CDH13: variants seen among roughly 807,000 people sequenced by gnomAD.
The protein encoded by CDH13 is cadherin 13, also known as cadherin-13.
In CDH13, 24 loss-of-function variants were observed where a neutral mutation model predicts 63.8. The ratio of observed to expected loss-of-function variants is 0.38; its 90% confidence interval spans 0.27 to 0.53. The LOEUF is 0.53. Among genes scored for constraint, CDH13 ranks in the 20% least tolerant of loss-of-function variants. The probability of loss-of-function intolerance (pLI) is 0.85; values close to 1 mark genes in which losing one functional copy is unlikely to be tolerated. For missense variants in CDH13, 1,049 were observed against 903.1 expected, an observed-to-expected ratio of 1.16 and a Z score of -2.07; for synonymous variants, 503 against 355.3, an observed-to-expected ratio of 1.42 and a Z score of -4.67.
At chr16:83,474,224 C>A (rs1022966318) in intron 6 of CDH13, among the ~76,000 whole-genome samples, 1 of 152,190 alleles carries the variant, frequency 6.6e-6, no homozygotes, top group Non-Finnish European at 1.5e-5. Flanking sequence ...AAGGTCTCCT[C>A]CTCAGTGCCC....
intron 6 of CDH13, among the ~76,000 whole-genome samples, chr16:83,428,563 G>A (rs560557437): frequency 3.9e-5 from 6 of 152,276 alleles, no homozygotes; most frequent in South Asian, 2.1e-4. Context: ...CTTCCTGAAC[G>A]AGCCATGGTA....
At chr16:83,682,392 C>T (rs1915480986) in intron 10 of CDH13, among the ~76,000 whole-genome samples, 1 of 152,108 alleles carries the variant, frequency 6.6e-6, no homozygotes, top group South Asian at 2.1e-4. Context: ...TCATAAGTCG[C>T]ATGTCTCTTT....
chr16:83,145,994 G>A (rs2036729881), intron 4 of CDH13, among the ~76,000 whole-genome samples: 2 of 152,050 alleles, frequency 1.3e-5, no homozygotes, highest in Non-Finnish European at 2.9e-5. Flanking sequence ...GGGAGTTCGG[G>A]ACCAACCTGG....
intron 2 of CDH13, among the ~76,000 whole-genome samples, chr16:83,013,847 C>A (rs1428391224): frequency 6.6e-6 from 1 of 152,120 alleles, no homozygotes; most frequent in Admixed American, 6.5e-5. Context: ...AGAGACACAA[C>A]ATAGGGAGGA....
intron 3 of CDH13, among the ~76,000 whole-genome samples, chr16:83,034,032 T>C (rs1446366376): frequency 6.6e-6 from 1 of 152,092 alleles, no homozygotes; most frequent in Non-Finnish European, 1.5e-5. Context: ...ACAGTACAAC[T>C]GGCAATGTGA....
intron 3 of CDH13, among the ~76,000 whole-genome samples, chr16:83,059,459 T>G (rs1200148248): frequency 2.0e-5 from 3 of 152,156 alleles, no homozygotes; most frequent in Non-Finnish European, 4.4e-5. Flanking sequence ...AACTGTCCAG[T>G]GCAGCTGCTG....
At chr16:83,748,781 T>G (rs1332582039) in intron 11 of CDH13, among the ~76,000 whole-genome samples, 2 of 152,200 alleles carry the variant, frequency 1.3e-5, no homozygotes, top group Non-Finnish European at 2.9e-5. Flanking sequence ...AGCCCCTGAT[T>G]AGATGCTGGG....
At chr16:83,017,964 G>A (rs1914966036) in intron 2 of CDH13, among the ~76,000 whole-genome samples, 1 of 152,140 alleles carries the variant, frequency 6.6e-6, no homozygotes, top group African/African-American at 2.4e-5. Flanking sequence ...TGGGAAACAA[G>A]CCCAGCAAAA....
intron 9 of CDH13, among the ~76,000 whole-genome samples, chr16:83,674,714 G>A (rs117350891): frequency 0.026 from 4,007 of 152,252 alleles, 85 homozygotes; most frequent in Middle Eastern, 0.034. Context: ...CACTTAAAAG[G>A]ACCAAATCCC....
intron 8 of CDH13, among the ~76,000 whole-genome samples, chr16:83,625,695 G>A (rs908127380): frequency 3.3e-5 from 5 of 152,278 alleles, no homozygotes; most frequent in Admixed American, 6.5e-5. Flanking sequence ...CTGACCCATC[G>A]TCCCCTGAGG....
chr16:83,634,396 A>T (rs2150799247), intron 8 of CDH13, among the ~76,000 whole-genome samples: 1 of 146,008 alleles, frequency 6.8e-6, no homozygotes, highest in African/African-American at 2.5e-5. Flanking sequence ...ACTCTTTGAT[A>T]TTAACTCTTT....
intron 6 of CDH13, among the ~76,000 whole-genome samples, chr16:83,384,657 G>T (rs1420123426): frequency 2.0e-5 from 3 of 152,204 alleles, no homozygotes; most frequent in Non-Finnish European, 4.4e-5. Context: ...GGGATCCGAG[G>T]GTATGGAGAG....
chr16:83,600,564 G>A (rs570707798), intron 7 of CDH13, among the ~76,000 whole-genome samples: 6 of 152,258 alleles, frequency 3.9e-5, no homozygotes, highest in African/African-American at 1.2e-4. Flanking sequence ...AAGAAAATTG[G>A]ACATCCTCCA....
chr16:83,008,651 T>C (rs1170821501), intron 2 of CDH13, among the ~76,000 whole-genome samples: 1 of 152,116 alleles, frequency 6.6e-6, no homozygotes, highest in Non-Finnish European at 1.5e-5. Context: ...GTGTGGGAGA[T>C]GGGTGGATGA....
rs570533620 is a variant in CDH13, at chr16:83,460,334, C to T, written c.782-26143C>T. 3.9e-5 allele frequency among the ~76,000 whole-genome samples: 6 copies of T among 152,340 alleles called. No individual in the cohort carries two copies. The South Asian group carries it at 1.2e-3, about 32-fold the overall frequency. On this transcript the variant is annotated intron_variant, in intron 6 of 13. Transcript: ENST00000567109. ...ACAACAACTTTGAAGAACAGTTTGT[C>T]ATTATCTACCAAAGTGGAAGATGTG... is the stretch of plus-strand genomic sequence containing the variant.
At chr16:83,613,841 T>A (rs186689854) in intron 8 of CDH13, among the ~76,000 whole-genome samples, 3,031 of 93,526 alleles carry the variant, frequency 0.032, 107 homozygotes, top group African/African-American at 0.17. Flanking sequence ...TCAAAAAAAA[T>A]TTTTTTTAAT....
chr16:83,717,606 G>T (rs1408595328), intron 10 of CDH13, among the ~76,000 whole-genome samples: 1 of 152,236 alleles, frequency 6.6e-6, no homozygotes, highest in South Asian at 2.1e-4. Flanking sequence ...TTCATTTAAT[G>T]ATCACGGGGA....
intron 8 of CDH13, among the ~76,000 whole-genome samples, chr16:83,630,820 T>C (rs1264519599): frequency 2.0e-5 from 3 of 152,176 alleles, no homozygotes; most frequent in Non-Finnish European, 2.9e-5. Flanking sequence ...GTGAGGGAGA[T>C]ATTTTCTATA....
In CDH13 at chr16:83,318,798, A is replaced by G. The variant is rs73595976; in HGVS notation, c.637-26064A>G. Among the ~76,000 whole-genome samples the G allele has an allele frequency of 1.2e-3, 176 of 152,234 alleles. 2 individuals are homozygous for G. Among genetic ancestry groups the G allele is most frequent in the African/African-American group, 3.9e-3 (161 of 41,542 alleles). On this transcript the variant is annotated intron_variant, in intron 5 of 13. Transcript: ENST00000567109. ...ATAAAAGCAGTTTTCTCTCTTAGTG[A>G]CCAGACAATGGTGCTGTCTTTCTTT...
Sources: gnomAD v4.1 joint callset for allele counts (sites outside exome capture counted in the v4.1 genomes callset) on GRCh38, gnomAD v4.1.1 for gene constraint, MANE v1.5 for transcripts, NCBI Gene and HGNC (gene_info 2026-07-23, HGNC 2026-07-21) for gene names.